The following POLR3C variants were observed in gnomAD, a reference collection of about 807,000 sequenced individuals.
The protein encoded by POLR3C is DNA-directed RNA polymerase III subunit RPC3.
POLR3C carries 44 observed loss-of-function variants against 65.9 expected under a neutral mutation model. That is an observed-to-expected ratio of 0.67 (90% CI 0.52 to 0.86). The LOEUF (loss-of-function observed/expected upper bound fraction) is 0.86, where lower values mean the gene tolerates loss of function less well. Ranked by LOEUF, POLR3C falls within the 40% of genes least tolerant of loss-of-function variation. The pLI, the probability that POLR3C is intolerant of heterozygous loss-of-function variation, is 0.00. For synonymous variants in POLR3C, 263 were observed against 231.6 expected, an observed-to-expected ratio of 1.14 and a Z score of -1.23; for missense variants, 576 against 653.2, an observed-to-expected ratio of 0.88 and a Z score of 1.29.
chr1:145,833,166 T>G, intron 5 of POLR3C, 94 bp from the exon 6 acceptor site: 1 of 720,948 alleles, frequency 1.4e-6, no homozygotes. Flanking sequence ...TAATTGTTAC[T>G]GTGTAGGAAA....
Position 145,837,538 on chromosome 1 carries a change from C to G in POLR3C, c.1012C>G (p.Leu338Val). 1 of 1,582,586 alleles carries G rather than the reference C, an allele frequency of 6.3e-7. No individual in the cohort carries two copies. ...TGACCTTAATTCTCTACATAAAGAC[C>G]TCCATAAGGCATTAGCATCCCTAGC... Reference protein sequence around the residue: ...DSGGGMYVINLHKALASLATA... With the variant: ...DSGGGMYVINVHKALASLATA... Residue 338 changes from leucine to valine, a missense_variant and splice_region_variant, in exon 10 of 15, where the codon CTC becomes GTC. Leu to Val is a conservative substitution (Grantham distance 32). Transcript: ENST00000334163.
At chr1:145,833,779 T>C (rs1367199274) in intron 7 of POLR3C, among the ~76,000 whole-genome samples, 197 bp downstream of exon 7, 2 of 152,198 alleles carry the variant, frequency 1.3e-5, no homozygotes, top group Admixed American at 6.5e-5. Flanking sequence ...AAATCTACAC[T>C]ATTCACTTAG....
In POLR3C at chr1:145,828,829, A is replaced by ATCT; in HGVS notation, c.670_671insTCT (p.Asn224delinsIleTyr). 2 of 1,566,466 alleles carry ATCT rather than the reference A, an allele frequency of 1.3e-6. No individual in the cohort carries two copies. Among genetic ancestry groups the ATCT allele is most frequent in the Non-Finnish European group, 1.8e-6 (2 of 1,136,644 alleles). ...CAAGAGACCAAAATATACTACAGAT[A>ATCT]ACAAGGAGGTAATGGGGCTTCTTGA... On this transcript the variant is annotated protein_altering_variant, in exon 5 of 15. Transcript: ENST00000334163.
In POLR3C at chr1:145,833,313, A is replaced by G. The variant is rs1189658736; in HGVS notation, c.732A>G (p.Gln244=). ...AGGCCAACCTTGACAGATTCCACCA[A>G]CACTTCCGTGACCAAGCCATTGTGA... ...YWQANLDRFH[Q]HFRDQAIVSA... Residue 244 remains glutamine (Q), a synonymous_variant, in exon 6 of 15, where the codon CAA becomes CAG. Coordinates refer to ENST00000334163, the MANE Select transcript of POLR3C (RefSeq NM_006468.8). 6.2e-7 allele frequency: 1 copy of G among 1,613,806 alleles called. No homozygotes were observed. Among genetic ancestry groups the G allele is most frequent in the South Asian group, 1.1e-5 (1 of 91,062 alleles).
Position 145,842,628 on chromosome 1 carries a change from G to T in POLR3C, c.*208G>T. The T allele has an allele frequency of 1.7e-6, 1 of 593,948 alleles. No homozygotes were observed. The highest frequency in any genetic ancestry group is 3.0e-6 in the Non-Finnish European group (1 of 334,216). 36.8% of individuals were successfully genotyped at this position (593,948 alleles called of 1,614,324 possible). A position where few individuals can be genotyped will look rare whatever the true frequency, so the allele number is the denominator to read the frequency against. Reference sequence around the variant, plus strand: ...TCCCCTCATCAAATCTTGGCAGTGGGAAGAACCTTAAATCAACAAGGTTAA... The same window carrying T: ...TCCCCTCATCAAATCTTGGCAGTGGTAAGAACCTTAAATCAACAAGGTTAA... On this transcript the variant is annotated 3_prime_UTR_variant, in exon 15 of 15. Coordinates refer to ENST00000334163, the MANE Select transcript of POLR3C (RefSeq NM_006468.8).
chr1:145,831,220 T>C (rs1243199001), intron 5 of POLR3C, among the ~76,000 whole-genome samples: 6 of 151,986 alleles, frequency 3.9e-5, no homozygotes, highest in African/African-American at 1.5e-4. Context: ...TGGAGCATAA[T>C]AGAGAGTTCC....
At chr1:145,829,878 CACT>C (rs1553726732) in intron 5 of POLR3C, among the ~76,000 whole-genome samples, 1 of 152,214 alleles carries the variant, frequency 6.6e-6, no homozygotes, top group African/African-American at 2.4e-5. Flanking sequence ...CCCACTCCTA[CACT>C]AGTTCCTACC....
chr1:145,835,599 G>A (rs1192923122), intron 7 of POLR3C, among the ~76,000 whole-genome samples: 1 of 151,820 alleles, frequency 6.6e-6, no homozygotes, highest in Non-Finnish European at 1.5e-5. Flanking sequence ...TTGTGACAGA[G>A]TCTTGTACTC....
intron 4 of POLR3C, 39 bp from the exon 5 acceptor site, chr1:145,828,710 A>C: frequency 2.3e-6 from 3 of 1,310,382 alleles, no homozygotes; most frequent in Non-Finnish European, 3.3e-6. Context: ...CTGTCATCAT[A>C]TGAGATATAG....
At position 145,828,780 on chromosome 1, in the gene POLR3C, A is replaced by C; in HGVS notation, c.621A>C (p.Glu207Asp). 6.2e-7 allele frequency: 1 copy of C among 1,610,340 alleles called. No individual in the cohort carries two copies. Among genetic ancestry groups the C allele is most frequent in the Non-Finnish European group, 8.5e-7 (1 of 1,176,562 alleles). ...GTAAAAGGAGGAGATCATCTGATGA[A>C]GATGCTGCTGGGGAGCCCAAGGCCA... ...GKGKRRRSSD[E>D]DAAGEPKAKR... The change falls in exon 5 of 15, where the codon GAA becomes GAC. Residue 207 changes from glutamate to aspartate, a missense_variant. Coordinates refer to ENST00000334163, the MANE Select transcript of POLR3C (RefSeq NM_006468.8).
In POLR3C at chr1:145,824,238, G is replaced by C. The variant is rs926891991; in HGVS notation, c.-152G>C. 3 of 270,044 alleles carry C rather than the reference G, an allele frequency of 1.1e-5. No individual in the cohort carries two copies. Among genetic ancestry groups the C allele is most frequent in the South Asian group, 3.5e-5 (1 of 28,302 alleles). The allele number at this position is 270,044 out of a possible 1,614,324, so 16.7% of individuals were successfully genotyped here. A position where few individuals can be genotyped will look rare whatever the true frequency, so the allele number is the denominator to read the frequency against. On this transcript the variant is annotated 5_prime_UTR_variant, in exon 1 of 15. Coordinates refer to ENST00000334163, the MANE Select transcript of POLR3C (RefSeq NM_006468.8). ...CTTTTTGCTTTTCCGCGTCTTCTTC[G>C]GTGGCGATCCGCGTCCTAGAAAGGG...
At chr1:145,824,986 T>C (rs1267510502) in intron 1 of POLR3C, among the ~76,000 whole-genome samples, 1 of 152,168 alleles carries the variant, frequency 6.6e-6, no homozygotes, top group African/African-American at 2.4e-5. Context: ...CATAATCCCA[T>C]AGAGATAAAT....
chr1:145,837,128 CA>C (rs1217167856), intron 9 of POLR3C, among the ~76,000 whole-genome samples: 1 of 151,992 alleles, frequency 6.6e-6, no homozygotes, highest in Non-Finnish European at 1.5e-5. Context: ...AGCAACATGG[CA>C]AAACCCCATC....
In POLR3C at chr1:145,844,167, A is replaced by C. The variant is rs1652491421; in HGVS notation, c.*1747A>C. Among the ~76,000 whole-genome samples, 1 of 152,214 alleles carries C rather than the reference A, an allele frequency of 6.6e-6. No homozygotes were observed. The highest frequency in any genetic ancestry group is 1.5e-5 in the Non-Finnish European group (1 of 68,040). On this transcript the variant is annotated 3_prime_UTR_variant, in exon 15 of 15. Coordinates refer to ENST00000334163, the MANE Select transcript of POLR3C (RefSeq NM_006468.8). ...CAGTTCCACTACTGGGTATATATAT[A>C]TCTCCAAAAGGAAAGAAATCAATGT...
In POLR3C at chr1:145,841,180, C is replaced by T. The variant is rs781950518; in HGVS notation, c.1523+109C>T. ...ATGAGCAAACCTAAACTCACTGTCT[C>T]CTCCAGCTCACTTAACAGAATTTAA... On this transcript the variant is annotated intron_variant, in intron 14 of 14. Coordinates refer to ENST00000334163, the MANE Select transcript of POLR3C (RefSeq NM_006468.8). 4.8e-5 allele frequency: 40 copies of T among 839,800 alleles called. No homozygotes were observed. In the Middle Eastern group the frequency reaches 9.4e-4, roughly 20 times the overall value. The allele number at this position is 839,800 out of a possible 1,614,324, so 52.0% of individuals were successfully genotyped here. A position where few individuals can be genotyped will look rare whatever the true frequency, so the allele number is the denominator to read the frequency against.
intron 5 of POLR3C, among the ~76,000 whole-genome samples, chr1:145,830,209 A>G (rs992184222): frequency 1.7e-4 from 26 of 152,146 alleles, no homozygotes; most frequent in African/African-American, 6.3e-4. Context: ...GTTTAAAAAA[A>G]AAAAAAGCAC....
intron 3 of POLR3C, 40 bp downstream of exon 3, chr1:145,826,749 C>G (rs782081047): frequency 5.5e-5 from 89 of 1,611,450 alleles, no homozygotes; most frequent in Non-Finnish European, 7.3e-5. Context: ...AAGCATAGAT[C>G]AGCTGGCTAT....
rs1358128720 is a variant in POLR3C, at chr1:145,825,898, A to G, written c.122A>G (p.His41Arg). Residue 41 changes from histidine (H) to arginine (R), a missense_variant, in exon 2 of 15, where the codon CAT becomes CGT. Physicochemically the swap from His to Arg is conservative, Grantham distance 29. Transcript: ENST00000334163. ...AGCCAGCCACTAAGAGTAATTGCCC[A>G]TGACACAGGAACATCACTGGATCAG... ...TGSQPLRVIA[H>R]DTGTSLDQVK... 3 of 1,613,468 alleles carry G rather than the reference A, an allele frequency of 1.9e-6. No individual in the cohort carries two copies. The highest frequency in any genetic ancestry group is 2.2e-5 in the East Asian group (1 of 44,884).
chr1:145,839,922 C>T lies in POLR3C; in HGVS notation c.1254C>T (p.Ser418=), dbSNP rs782167706. Residue 418 remains serine, a synonymous_variant, in exon 12 of 15, where the codon TCC becomes TCT. Coordinates refer to ENST00000334163, the MANE Select transcript of POLR3C (RefSeq NM_006468.8). ...CCAAAACACCAGACCATGCCCCATCCAGGACCTTCTATTTATATACTGTGA... is the reference window on the plus strand; with the variant it reads ...CCAAAACACCAGACCATGCCCCATCTAGGACCTTCTATTTATATACTGTGA... ...EIPKTPDHAP[S]RTFYLYTVNI... is the part of the protein sequence containing the mutation. The T allele has an allele frequency of 1.2e-6, 2 of 1,609,818 alleles. No homozygotes were observed. Among genetic ancestry groups the T allele is most frequent in the Admixed American group, 3.3e-5 (2 of 59,988 alleles).
Sources: allele counts gnomAD v4.1 joint callset (sites outside exome capture counted in the v4.1 genomes callset), GRCh38; gene constraint gnomAD v4.1.1; transcripts MANE v1.5; gene names NCBI Gene and HGNC (gene_info 2026-07-23, HGNC 2026-07-21).